Variants in SORCS3 observed in about 807,000 individuals in gnomAD.
SORCS3 encodes the protein sortilin related VPS10 domain containing receptor 3.
In SORCS3, 57 loss-of-function variants were observed where a neutral mutation model predicts 146.3. That is an observed-to-expected ratio of 0.39 (90% CI 0.31 to 0.49). SORCS3 has a LOEUF of 0.49. Among genes scored for constraint, SORCS3 ranks in the 20% least tolerant of loss-of-function variants. The probability of loss-of-function intolerance (pLI) is 0.92; values close to 1 mark genes in which losing one functional copy is unlikely to be tolerated. For synonymous variants in SORCS3, 653 were observed against 618.5 expected (o/e 1.06, Z -0.83); for missense variants, 1,341 against 1,575.5 (o/e 0.85, Z 2.52).
At chr10:104,977,081 G>A (rs112480289) in intron 3 of SORCS3, among the ~76,000 whole-genome samples, 18 of 151,560 alleles carry the variant, frequency 1.2e-4, no homozygotes, top group South Asian at 2.1e-4. Flanking sequence ...AAAAGTTCCC[G>A]GTGCTTAAAA....
intron 19 of SORCS3, among the ~76,000 whole-genome samples, chr10:105,219,012 C>G (rs2056681978): frequency 6.6e-6 from 1 of 151,228 alleles, no homozygotes; most frequent in Non-Finnish European, 1.5e-5. Flanking sequence ...GAGACCCCGT[C>G]TCAAAAAAAA....
intron 1 of SORCS3, among the ~76,000 whole-genome samples, chr10:104,783,488 T>C (rs962162189): frequency 6.6e-6 from 1 of 152,228 alleles, no homozygotes; most frequent in East Asian, 1.9e-4. Flanking sequence ...AATCCCAGCA[T>C]GTTGGGGGAC....
chr10:104,744,751 A>G (rs946970913), intron 1 of SORCS3, among the ~76,000 whole-genome samples: 2 of 152,172 alleles, frequency 1.3e-5, no homozygotes, highest in Admixed American at 1.3e-4. Flanking sequence ...GAAGTAAAGG[A>G]CATGCTGAAT....
At chr10:104,801,517 C>T (rs1286633343) in intron 1 of SORCS3, among the ~76,000 whole-genome samples, 1 of 152,166 alleles carries the variant, frequency 6.6e-6, no homozygotes, top group South Asian at 2.1e-4. Context: ...GATGAATGCT[C>T]AATTGAAGTG....
At chr10:105,229,683 G>A (rs970497211) in intron 20 of SORCS3, among the ~76,000 whole-genome samples, 46 of 152,208 alleles carry the variant, frequency 3.0e-4, no homozygotes, top group African/African-American at 9.6e-4. Flanking sequence ...TGGAGGCCAT[G>A]GAAATTTTTT....
chr10:104,930,544 G>A (rs189559964), intron 3 of SORCS3, among the ~76,000 whole-genome samples: 13 of 152,326 alleles, frequency 8.5e-5, no homozygotes, highest in African/African-American at 2.6e-4. Flanking sequence ...AGTCACGGGA[G>A]TTGCTGAGTT....
chr10:105,128,887 A>G (rs771385695), intron 7 of SORCS3, among the ~76,000 whole-genome samples: 6 of 152,208 alleles, frequency 3.9e-5, no homozygotes, highest in Non-Finnish European at 7.3e-5. Context: ...TTGTTTATTC[A>G]CAAGAATCTT....
intron 4 of SORCS3, among the ~76,000 whole-genome samples, chr10:105,020,757 C>T (rs790643): frequency 0.21 from 32,522 of 152,106 alleles, 3,557 homozygotes; most frequent in African/African-American, 0.28. Flanking sequence ...TGATTCTCAC[C>T]GTCACCTCCA....
intron 7 of SORCS3, among the ~76,000 whole-genome samples, chr10:105,120,554 T>A (rs1209073503): frequency 6.6e-6 from 1 of 152,082 alleles, no homozygotes; most frequent in Admixed American, 6.5e-5. Flanking sequence ...AGCATGGCAA[T>A]CTCCTTGCTC....
Position 105,158,994 on chromosome 10 carries a change from G to C in SORCS3, c.1732G>C (p.Gly578Arg). Reference protein sequence around the residue: ...ETAPGLVVATGNIGPELSYTD... With the variant: ...ETAPGLVVATRNIGPELSYTD... The stretch of plus-strand genomic sequence containing the variant: ...AGCCCCAGGACTTGTGGTGGCTACA[G>C]GTAAGAAAAACATTCCCTGTGCTTC... The change falls in exon 11 of 27, where the codon GGC (glycine) becomes CGC (arginine). Residue 578 changes from glycine (G) to arginine (R), a missense_variant and splice_region_variant. By Grantham distance (125) the Gly-to-Arg change is moderately radical. Coordinates refer to ENST00000369701, the MANE Select transcript of SORCS3 (RefSeq NM_014978.3). The C allele has an allele frequency of 6.2e-7, 1 of 1,602,472 alleles. No homozygotes were observed. The highest frequency in any genetic ancestry group is 8.5e-7 in the Non-Finnish European group (1 of 1,171,054).
At chr10:105,252,414 C>T (rs1051280351) in intron 22 of SORCS3, among the ~76,000 whole-genome samples, 2 of 152,164 alleles carry the variant, frequency 1.3e-5, no homozygotes, top group African/African-American at 4.8e-5. Context: ...TCTTTTTCCT[C>T]ATTTGCACCC....
chr10:105,256,721 G>A, intron 24 of SORCS3, 98 bp from the exon 25 acceptor site: 1 of 851,052 alleles, frequency 1.2e-6, no homozygotes, highest in Non-Finnish European at 1.9e-6. Flanking sequence ...CATAAGGATG[G>A]AGATCAGTGG....
chr10:105,262,560 C>G, intron 26 of SORCS3, 69 bp downstream of exon 26: 1 of 1,500,802 alleles, frequency 6.7e-7, no homozygotes, highest in Non-Finnish European at 9.1e-7. Context: ...TTCATCTGTC[C>G]CCCATACATT....
At chr10:105,038,133 G>A (rs780569158) in intron 4 of SORCS3, among the ~76,000 whole-genome samples, 2 of 152,180 alleles carry the variant, frequency 1.3e-5, no homozygotes, top group Non-Finnish European at 2.9e-5. Context: ...AGAGGATCTC[G>A]ATTGGTCTCT....
Position 105,007,327 on chromosome 10 carries a change from A to G in SORCS3, c.954+29834A>G, listed in dbSNP as rs1311065197. Among the ~76,000 whole-genome samples the G allele has an allele frequency of 3.7e-5, 5 of 135,536 alleles. No individual in the cohort carries two copies. In the South Asian group the frequency reaches 9.4e-4, roughly 25 times the overall value. 88.9% of individuals were successfully genotyped at this position (135,536 alleles called of 152,430 possible). ...GTTTAGTTGAGGTGAAAATACACAA[A>G]ACAACAACAACAATTAATACCAGGC... is the stretch of plus-strand genomic sequence containing the variant. On this transcript the variant is annotated intron_variant, in intron 4 of 26. Coordinates refer to ENST00000369701, the MANE Select transcript of SORCS3 (RefSeq NM_014978.3).
chr10:105,070,811 G>A (rs141992161), intron 5 of SORCS3, among the ~76,000 whole-genome samples: 5 of 152,202 alleles, frequency 3.3e-5, no homozygotes, highest in Middle Eastern at 3.2e-3. Flanking sequence ...ATGGCAATTT[G>A]TCAGGAGTTA....
chr10:105,108,981 G>A (rs1420788086), intron 7 of SORCS3, among the ~76,000 whole-genome samples: 2 of 152,064 alleles, frequency 1.3e-5, no homozygotes, highest in East Asian at 3.9e-4. Context: ...GTTTAATTAT[G>A]ATTACTTTAA....
chr10:104,745,136 G>A (rs1014788355), intron 1 of SORCS3, among the ~76,000 whole-genome samples: 4 of 152,090 alleles, frequency 2.6e-5, no homozygotes, highest in African/African-American at 9.7e-5. Flanking sequence ...ACAAGCCTTG[G>A]GTCTTTGCGA....
intron 1 of SORCS3, among the ~76,000 whole-genome samples, chr10:104,689,612 TA>T (rs1165337193): frequency 6.6e-6 from 1 of 152,220 alleles, no homozygotes; most frequent in Admixed American, 6.5e-5. Context: ...AAAACTACTT[TA>T]TTTATATTAG....
Sources: gnomAD v4.1 joint callset for allele counts (sites outside exome capture counted in the v4.1 genomes callset) on GRCh38, gnomAD v4.1.1 for gene constraint, MANE v1.5 for transcripts, NCBI Gene and HGNC (gene_info 2026-07-23, HGNC 2026-07-21) for gene names.